The following WDPCP variants were observed in gnomAD, a reference collection of about 807,000 sequenced individuals.
The protein encoded by WDPCP is WD repeat-containing and planar cell polarity effector protein fritz homolog.
In WDPCP, 71 loss-of-function variants were observed where a neutral mutation model predicts 93.1. The ratio of observed to expected loss-of-function variants is 0.76; its 90% CI spans 0.63 to 0.93. WDPCP has a LOEUF of 0.93. Ranked by LOEUF, WDPCP falls within the 40% of genes least tolerant of loss-of-function variation. The pLI is 0.00. For synonymous variants in WDPCP, 315 were observed against 315.0 expected, an observed-to-expected ratio of 1.00 and a Z score of 0.00; for missense variants, 844 against 887.4, an observed-to-expected ratio of 0.95 and a Z score of 0.62.
At position 63,382,919 on chromosome 2, in the gene WDPCP, G is replaced by A. The variant is rs1692434182; in HGVS notation, c.1436-825C>T. 2.0e-5 allele frequency among the ~76,000 whole-genome samples: 3 copies of A among 152,136 alleles called. No homozygotes were observed. In the South Asian group the frequency reaches 6.2e-4, roughly 31 times the overall value. Reference sequence around the variant, plus strand: ...GTCCAACAGCCTTCATGAGCCTGCAGTCAGGCATTGGAAGTCCTCATAAAT... The same window carrying A: ...GTCCAACAGCCTTCATGAGCCTGCAATCAGGCATTGGAAGTCCTCATAAAT... On this transcript the variant is annotated intron_variant, in intron 10 of 17. Coordinates refer to ENST00000272321, the MANE Select transcript of WDPCP (RefSeq NM_015910.7).
At chr2:63,673,804 C>T (rs2106635256) in intron 2 of WDPCP, among the ~76,000 whole-genome samples, 1 of 152,300 alleles carries the variant, frequency 6.6e-6, no homozygotes, top group South Asian at 2.1e-4. Context: ...AACTTCTTCC[C>T]CAAATACAGG....
chr2:63,444,525 GA>G (rs1407143649), intron 6 of WDPCP, among the ~76,000 whole-genome samples: 1 of 152,132 alleles, frequency 6.6e-6, no homozygotes, highest in African/African-American at 2.4e-5. Context: ...CTCCAAAATG[GA>G]AAGGGTCTAT....
At chr2:63,208,139 T>A (rs1676481103) in intron 14 of WDPCP, among the ~76,000 whole-genome samples, 1 of 152,198 alleles carries the variant, frequency 6.6e-6, no homozygotes, top group African/African-American at 2.4e-5. Flanking sequence ...TATTTAAGAT[T>A]ATTTTAAAAT....
At chr2:63,277,210 A>T (rs1229714756) in intron 13 of WDPCP, among the ~76,000 whole-genome samples, 1 of 64,980 alleles carries the variant, frequency 1.5e-5, no homozygotes, top group Non-Finnish European at 2.6e-5. Context: ...CCAGCATGCC[A>T]AGAACTGCTA....
intron 14 of WDPCP, among the ~76,000 whole-genome samples, chr2:63,230,746 T>C (rs1678791734): frequency 6.6e-6 from 1 of 152,196 alleles, no homozygotes; most frequent in East Asian, 1.9e-4. Flanking sequence ...TTTTGAGAAG[T>C]GTATGTTCAT....
chr2:63,643,355 AT>A (rs1710004025), intron 3 of WDPCP: 1 of 381,898 alleles, frequency 2.6e-6, no homozygotes, highest in South Asian at 2.4e-5. Context: ...GGAGAAGTTC[AT>A]GGTTTGTTGC....
At chr2:63,303,316 A>C (rs1344366086) in intron 13 of WDPCP, among the ~76,000 whole-genome samples, 2 of 152,188 alleles carry the variant, frequency 1.3e-5, no homozygotes, top group Non-Finnish European at 2.9e-5. Flanking sequence ...AAAGGACATC[A>C]ATACCCTAGA....
Position 63,240,312 on chromosome 2 carries a change from G to C in WDPCP, c.1915+18995C>G, listed in dbSNP as rs569439169. ...CCTACCTCAGCCTCCCAAGTAGCTA[G>C]GGCTGCAGGTGCGTGCCACCACCCC... is the stretch of plus-strand genomic sequence containing the variant. On this transcript the variant is annotated intron_variant, in intron 14 of 17. Coordinates refer to ENST00000272321, the MANE Select transcript of WDPCP (RefSeq NM_015910.7). 2.0e-5 allele frequency among the ~76,000 whole-genome samples: 3 copies of C among 152,146 alleles called. No homozygotes were observed. In the South Asian group the frequency reaches 6.2e-4, roughly 32 times the overall value.
At chr2:63,665,741 T>C (rs1710275743) in intron 2 of WDPCP, among the ~76,000 whole-genome samples, 1 of 152,228 alleles carries the variant, frequency 6.6e-6, no homozygotes, top group South Asian at 2.1e-4. Flanking sequence ...ATGGTGCTGG[T>C]ACACATATAT....
chr2:63,792,106 G>C (rs1414045696), intron 2 of WDPCP, among the ~76,000 whole-genome samples: 1 of 152,174 alleles, frequency 6.6e-6, no homozygotes, highest in Non-Finnish European at 1.5e-5. Flanking sequence ...CTTCAAAACA[G>C]TGTGCTGTGA....
At chr2:63,447,949 A>G (rs552579163) in intron 6 of WDPCP, among the ~76,000 whole-genome samples, 43 of 152,254 alleles carry the variant, frequency 2.8e-4, no homozygotes, top group South Asian at 2.5e-3. Context: ...TTTTTACTAT[A>G]TATCTATTTG....
chr2:63,436,962 T>A, intron 8 of WDPCP, among the ~76,000 whole-genome samples: 1 of 151,864 alleles, frequency 6.6e-6, no homozygotes, highest in Non-Finnish European at 1.5e-5. Context: ...AGGGGGAGGG[T>A]TCTTCCCCCT....
chr2:63,462,283 A>AG (rs1441266473), intron 6 of WDPCP, among the ~76,000 whole-genome samples: 3 of 152,174 alleles, frequency 2.0e-5, no homozygotes, highest in Non-Finnish European at 4.4e-5. Flanking sequence ...TCTCACTCAT[A>AG]GGTGGGAACT....
At chr2:63,724,249 TACC>T (rs1287908541) in intron 2 of WDPCP, among the ~76,000 whole-genome samples, 2 of 152,188 alleles carry the variant, frequency 1.3e-5, no homozygotes, top group Admixed American at 1.3e-4. Flanking sequence ...GGGCTAAAAG[TACC>T]ACATTTCATC....
In WDPCP at chr2:63,415,817, G is replaced by A. The variant is rs192003059; in HGVS notation, c.826-11160C>T. On this transcript the variant is annotated intron_variant, in intron 9 of 17. Coordinates refer to ENST00000272321, the MANE Select transcript of WDPCP (RefSeq NM_015910.7). Reference sequence around the variant, plus strand: ...AGAGTGAGAAAAAGGTGAAGGGACTGAAAAGAGGGCAAATGATAGTAGAGC... The same window carrying A: ...AGAGTGAGAAAAAGGTGAAGGGACTAAAAAGAGGGCAAATGATAGTAGAGC... Among the ~76,000 whole-genome samples the A allele has an allele frequency of 7.2e-5, 11 of 152,332 alleles. 1 individual carries two copies.
intron 17 of WDPCP, among the ~76,000 whole-genome samples, chr2:63,144,462 GC>G (rs1671334464): frequency 6.6e-6 from 1 of 151,988 alleles, no homozygotes; most frequent in South Asian, 2.1e-4. Flanking sequence ...CGCCATGTTG[GC>G]CAGACTGGTC....
intron 3 of WDPCP, among the ~76,000 whole-genome samples, chr2:63,615,088 A>G (rs1454872009): frequency 1.3e-5 from 2 of 152,204 alleles, no homozygotes; most frequent in African/African-American, 4.8e-5. Context: ...AGTTCTCGGC[A>G]GAACTTCCCT....
intron 14 of WDPCP, among the ~76,000 whole-genome samples, chr2:63,208,424 C>T (rs1372032903): frequency 6.6e-6 from 1 of 151,100 alleles, no homozygotes; most frequent in East Asian, 1.9e-4. Flanking sequence ...CTATTTTACC[C>T]CTTTAATTTC....
At chr2:63,167,736 T>G (rs1384956184) in intron 15 of WDPCP, among the ~76,000 whole-genome samples, 1 of 152,194 alleles carries the variant, frequency 6.6e-6, no homozygotes, top group East Asian at 1.9e-4. Context: ...GAATAGAATT[T>G]GATGAATATT....
Sources: allele counts gnomAD v4.1 joint callset (sites outside exome capture counted in the v4.1 genomes callset), GRCh38; gene constraint gnomAD v4.1.1; transcripts MANE v1.5; gene names NCBI Gene and HGNC (gene_info 2026-07-23, HGNC 2026-07-21).